The following WDR49 variants were observed in gnomAD, a reference collection of about 807,000 sequenced individuals.
The protein encoded by WDR49 is WD repeat domain 49, also known as cilia- and flagella-associated protein 337.
Under a neutral mutation model 119.5 loss-of-function variants are expected in WDR49, and 107 were observed. The observed-to-expected ratio is 0.90, with a 90% CI of 0.77 to 1.05. The LOEUF is 1.05. WDR49 is among the 50% of genes least tolerant of loss of function. WDR49 has a pLI of 0.00. For synonymous variants in WDR49, 425 were observed against 418.8 expected, an observed-to-expected ratio of 1.01 and a Z score of -0.18; for missense variants, 1,240 against 1,220.5, an observed-to-expected ratio of 1.02 and a Z score of -0.24.
intron 18 of WDR49, among the ~76,000 whole-genome samples, chr3:167,482,551 C>T (rs34264042): frequency 0.13 from 18,982 of 149,924 alleles, 1,554 homozygotes; most frequent in East Asian, 0.39. Flanking sequence ...TGGTGGTGGG[C>T]GCCTGTGGTC....
chr3:167,604,925 T>C (rs1715972600), intron 5 of WDR49, among the ~76,000 whole-genome samples: 2 of 152,096 alleles, frequency 1.3e-5, no homozygotes. Flanking sequence ...TGAGAATAAA[T>C]TTCTGCTTCA....
chr3:167,491,388 C>T (rs1322329926), intron 18 of WDR49, among the ~76,000 whole-genome samples: 1 of 152,074 alleles, frequency 6.6e-6, no homozygotes, highest in Non-Finnish European at 1.5e-5. Flanking sequence ...CCACAAAGGA[C>T]TCCTCTCCTC....
At chr3:167,582,636 G>A (rs529190918) in intron 7 of WDR49, among the ~76,000 whole-genome samples, 71 of 152,044 alleles carry the variant, frequency 4.7e-4, no homozygotes, top group African/African-American at 1.7e-3. Context: ...CTGAATTGTT[G>A]GGCAGAAATC....
rs1323544458 is a variant in WDR49 at position 167,554,781 on chromosome 3, T to A, written c.1692A>T (p.Gly564=). ...DGTVKIWDFN[G]YCHHTLNVGQ... ...CAACATTTAGTGTATGGTGACAATA[T>A]CCATTGAAGTCCCATATCTTTAAGA... The change falls in exon 10 of 19, where the codon GGA becomes GGT. Residue 564 remains glycine, a synonymous_variant. Transcript: ENST00000682715. 6.2e-7 allele frequency: 1 copy of A among 1,606,190 alleles called. No homozygotes were observed.
At chr3:167,498,451 G>T (rs552110012) in intron 18 of WDR49, among the ~76,000 whole-genome samples, 2 of 152,182 alleles carry the variant, frequency 1.3e-5, no homozygotes, top group South Asian at 2.1e-4. Context: ...CAGGGTGGAG[G>T]GGGGAGGGTG....
chr3:167,604,084 C>T (rs1715914439), intron 6 of WDR49, among the ~76,000 whole-genome samples: 1 of 152,076 alleles, frequency 6.6e-6, no homozygotes, highest in Non-Finnish European at 1.5e-5. Context: ...CTCATTAAAG[C>T]ATTGGGCACT....
intron 5 of WDR49, among the ~76,000 whole-genome samples, chr3:167,612,664 T>C (rs1303649662): frequency 1.3e-5 from 2 of 152,012 alleles, no homozygotes; most frequent in Admixed American, 6.6e-5. Flanking sequence ...TTCAGAAGAT[T>C]GTTAATGGCT....
chr3:167,593,502 T>C (rs1249608906), intron 7 of WDR49, among the ~76,000 whole-genome samples: 1 of 152,034 alleles, frequency 6.6e-6, no homozygotes, highest in Non-Finnish European at 1.5e-5. Context: ...AATTCTGAAT[T>C]CCTTCTCTGT....
intron 9 of WDR49, among the ~76,000 whole-genome samples, chr3:167,556,802 G>A (rs992835045): frequency 7.3e-5 from 11 of 151,358 alleles, no homozygotes; most frequent in East Asian, 1.9e-4. Context: ...TGAGGCGGGC[G>A]GATCACAAGG....
chr3:167,487,270 C>A (rs991522395), intron 18 of WDR49, among the ~76,000 whole-genome samples: 6 of 151,972 alleles, frequency 3.9e-5, no homozygotes, highest in Admixed American at 6.6e-5. Flanking sequence ...CAAAAACAAC[C>A]AATGGAAAAA....
chr3:167,540,278 G>A (rs1711735336), intron 10 of WDR49, among the ~76,000 whole-genome samples: 1 of 152,156 alleles, frequency 6.6e-6, no homozygotes, highest in African/African-American at 2.4e-5. Context: ...GACTCTCACA[G>A]AAGCTACTTC....
intron 2 of WDR49, among the ~76,000 whole-genome samples, chr3:167,637,839 T>C (rs1029237804): frequency 2.0e-5 from 3 of 151,540 alleles, no homozygotes; most frequent in Non-Finnish European, 4.4e-5. Flanking sequence ...TGATTAATTT[T>C]GTATCTGGAA....
intron 16 of WDR49, among the ~76,000 whole-genome samples, chr3:167,512,925 A>G (rs1291066860): frequency 6.6e-6 from 1 of 152,210 alleles, no homozygotes; most frequent in African/African-American, 2.4e-5. Context: ...ATGAAAAAGA[A>G]CAAATGAAGC....
chr3:167,613,172 C>T (rs1375510631), intron 5 of WDR49, among the ~76,000 whole-genome samples: 1 of 152,114 alleles, frequency 6.6e-6, no homozygotes, highest in Admixed American at 6.6e-5. Context: ...TAAATATATA[C>T]ACCTACTCTG....
At chr3:167,580,828 A>G (rs1391513245) in intron 7 of WDR49, among the ~76,000 whole-genome samples, 2 of 152,160 alleles carry the variant, frequency 1.3e-5, no homozygotes, top group Non-Finnish European at 2.9e-5. Context: ...CAGTTCAGAA[A>G]GGAATATGTT....
chr3:167,604,492 A>G, intron 5 of WDR49, 24 bp from the exon 6 acceptor site: 1 of 1,559,862 alleles, frequency 6.4e-7, no homozygotes, highest in Non-Finnish European at 8.7e-7. Flanking sequence ...AAAAAGAGAA[A>G]AACAATCTTT....
chr3:167,571,498 A>G (rs571686222), intron 8 of WDR49, among the ~76,000 whole-genome samples: 47 of 152,324 alleles, frequency 3.1e-4, no homozygotes, highest in African/African-American at 1.1e-3. Context: ...AAATGTATTT[A>G]TCTACAAAAA....
chr3:167,621,443 CA>C (rs1216644216), intron 4 of WDR49, 23 bp downstream of exon 4: 5 of 1,483,088 alleles, frequency 3.4e-6, no homozygotes, highest in Non-Finnish European at 4.5e-6. Context: ...CCATAGTATT[CA>C]ATCTTAATCT....
intron 9 of WDR49, among the ~76,000 whole-genome samples, chr3:167,559,830 T>C (rs1441278101): frequency 6.6e-6 from 1 of 152,148 alleles, no homozygotes; most frequent in Non-Finnish European, 1.5e-5. Context: ...GTAAGCCAAG[T>C]TATATTTTCA....
Sources: allele counts gnomAD v4.1 joint callset (sites outside exome capture counted in the v4.1 genomes callset), GRCh38; gene constraint gnomAD v4.1.1; transcripts MANE v1.5; gene names NCBI Gene and HGNC (gene_info 2026-07-23, HGNC 2026-07-21).